The following NUDT5 variants were observed in gnomAD, a reference collection of about 807,000 sequenced individuals.
NUDT5 encodes nudix hydrolase 5.
NUDT5 carries 21 observed loss-of-function variants against 34.1 expected under a neutral mutation model. The observed-to-expected ratio is 0.62, with a 90% confidence interval of 0.44 to 0.89. The LOEUF is 0.89. Among genes scored for constraint, NUDT5 ranks in the 40% least tolerant of loss-of-function variants. The probability of loss-of-function intolerance (pLI) is 0.00; values close to 1 mark genes in which losing one functional copy is unlikely to be tolerated. For synonymous variants in NUDT5, 85 were observed against 97.6 expected (o/e 0.87, Z 0.76); for missense variants, 249 against 274.8 (o/e 0.91, Z 0.66).
intron 1 of NUDT5, among the ~76,000 whole-genome samples, chr10:12,189,727 C>T (rs1295974754): frequency 6.6e-6 from 1 of 152,230 alleles, no homozygotes; most frequent in Non-Finnish European, 1.5e-5. Context: ...GTCTCCGCCA[C>T]TGCAACGGAG....
rs1488409609 is a variant in NUDT5, at chr10:12,171,678, TA to T, written c.488-771del. On this transcript the variant is annotated intron_variant, in intron 7 of 9. Transcript: ENST00000491614. The surrounding 1 kb of genome is among the most constrained non-coding windows in gnomAD (Gnocchi z 4.2). ...ATATGTATATGTGCAGTTCAAAAAT[TA>T]AGATTTATTTTATTTATTTATTTAT... 6.7e-6 allele frequency among the ~76,000 whole-genome samples: 1 copy of T among 150,186 alleles called. No individual in the cohort carries two copies. The highest frequency in any genetic ancestry group is 1.9e-4 in the East Asian group (1 of 5,178).
At chr10:12,186,918 C>T (rs1442840841) in intron 1 of NUDT5, among the ~76,000 whole-genome samples, 3 of 151,754 alleles carry the variant, frequency 2.0e-5, no homozygotes, top group Non-Finnish European at 2.9e-5. Context: ...TGAGCTACCG[C>T]GCCCAGCCTG....
At chr10:12,172,946 C>A in intron 6 of NUDT5, 80 bp from the exon 7 acceptor site, 1 of 1,012,720 alleles carries the variant, frequency 9.9e-7, no homozygotes, top group Non-Finnish European at 1.5e-6. Flanking sequence ...AGATGCGTCC[C>A]GCAGCTCAGC....
At chr10:12,192,921 C>T (rs1835258063) in intron 1 of NUDT5, among the ~76,000 whole-genome samples, 1 of 148,336 alleles carries the variant, frequency 6.7e-6, no homozygotes, top group Admixed American at 6.8e-5. Flanking sequence ...AATTTGGGTA[C>T]CCACAATTGA....
chr10:12,195,007 AC>A (rs1835308079), intron 1 of NUDT5, among the ~76,000 whole-genome samples: 1 of 152,168 alleles, frequency 6.6e-6, no homozygotes, highest in Non-Finnish European at 1.5e-5. Flanking sequence ...TACTAAAAAC[AC>A]AAAAATTAGC....
chr10:12,167,563 C>A lies in NUDT5; in HGVS notation c.*139G>T, dbSNP rs1834733356. On this transcript the variant is annotated 3_prime_UTR_variant, in exon 10 of 10. Transcript: ENST00000491614. The stretch of plus-strand genomic sequence containing the variant: ...ACCTACCTGTAATTACAATTCCATA[C>A]CACCACCACATCTGTTCTGTGCTTT... 2.7e-6 allele frequency: 2 copies of A among 728,524 alleles called. No homozygotes were observed. Among genetic ancestry groups the A allele is most frequent in the Non-Finnish European group, 4.4e-6 (2 of 451,676 alleles). The allele number at this position is 728,524 out of a possible 1,614,324, so 45.1% of individuals were successfully genotyped here.
chr10:12,195,417 A>G (rs892409019), intron 1 of NUDT5, among the ~76,000 whole-genome samples: 1 of 152,050 alleles, frequency 6.6e-6, no homozygotes, highest in South Asian at 2.1e-4. Flanking sequence ...GCTTTCTCAC[A>G]TTTACCTCTC....
rs754398602 is a variant in NUDT5 at position 12,182,192 on chromosome 10, G to A, written c.131+2697C>T. 6.6e-6 allele frequency among the ~76,000 whole-genome samples: 1 copy of A among 152,114 alleles called. No individual in the cohort carries two copies. The highest frequency in any genetic ancestry group is 2.4e-5 in the African/African-American group (1 of 41,436). On this transcript the variant is annotated intron_variant, in intron 3 of 9. Transcript: ENST00000491614. The surrounding 1 kb of genome is among the most constrained non-coding windows in gnomAD (Gnocchi z 4.3). ...GAAGGGGAGGGTTCCTTTTCCCCTG[G>A]GGGGACACTGAATGTCTGTGTTGTA...
chr10:12,170,627 A>G lies in NUDT5; in HGVS notation c.550+90T>C, dbSNP rs1834834654. On this transcript the variant is annotated intron_variant, in intron 9 of 9. Transcript: ENST00000491614. This position sits in a 1 kb window ranked among gnomAD's most constrained non-coding sequence, Gnocchi z 4.9. ...TTGACTTTAGTGATACAAAAAAGAT[A>G]AAGAAATGGAGTTATATTTAGTACC... 8.3e-7 allele frequency: 1 copy of G among 1,202,612 alleles called. No homozygotes were observed. The highest frequency in any genetic ancestry group is 1.2e-6 in the Non-Finnish European group (1 of 812,308). The allele number at this position is 1,202,612 out of a possible 1,614,324, so 74.5% of individuals were successfully genotyped here.
chr10:12,181,336 G>C lies in NUDT5; in HGVS notation c.132-2204C>G, dbSNP rs12248206. 0.13 allele frequency among the ~76,000 whole-genome samples: 19,849 copies of C among 152,150 alleles called. 1,401 individuals carry two copies. The highest frequency in any genetic ancestry group is 0.22 in the Middle Eastern group (64 of 294). On this transcript the variant is annotated intron_variant, in intron 3 of 9. Transcript: ENST00000491614. This position sits in a 1 kb window ranked among gnomAD's most constrained non-coding sequence, Gnocchi z 5.0. ...TCAGCATCTGTGGATTTTGGTATCT[G>C]CAGGGGGTCCTGGAACCAACCCCGA...
At chr10:12,186,526 A>G (rs1247688942) in intron 1 of NUDT5, among the ~76,000 whole-genome samples, 194 bp from the exon 2 acceptor site, 1 of 152,122 alleles carries the variant, frequency 6.6e-6, no homozygotes, top group Non-Finnish European at 1.5e-5. Flanking sequence ...GAAGGAAGTG[A>G]CAGCAGTCCT....
chr10:12,184,572 C>A, intron 3 of NUDT5: 1 of 1,479,342 alleles, frequency 6.8e-7, no homozygotes. Flanking sequence ...TAGAAGGAAG[C>A]AACATGTACT....
At position 12,166,446 on chromosome 10, in the gene NUDT5, T is replaced by C. The variant is rs1394612046; in HGVS notation, c.*1256A>G. ...GGGCTAGACAGCTTCATCTGTAAAGTTCTGTATTTCCATAATTGTTTTATC... is the reference window on the plus strand; with the variant it reads ...GGGCTAGACAGCTTCATCTGTAAAGCTCTGTATTTCCATAATTGTTTTATC... On this transcript the variant is annotated 3_prime_UTR_variant, in exon 10 of 10. Transcript: ENST00000491614. 4.3e-6 allele frequency: 1 copy of C among 233,814 alleles called. No individual in the cohort carries two copies. The highest frequency in any genetic ancestry group is 8.8e-6 in the Non-Finnish European group (1 of 114,026). The allele number at this position is 233,814 out of a possible 1,614,324, so 14.5% of individuals were successfully genotyped here. A position where few individuals can be genotyped will look rare whatever the true frequency, so the allele number is the denominator to read the frequency against.
At position 12,175,627 on chromosome 10, in the gene NUDT5, G is replaced by T. The variant is rs568111411; in HGVS notation, c.290-1814C>A. Among the ~76,000 whole-genome samples, 3 of 151,998 alleles carry T rather than the reference G, an allele frequency of 2.0e-5. No individual in the cohort carries two copies. Among genetic ancestry groups the T allele is most frequent in the African/African-American group, 7.2e-5 (3 of 41,466 alleles). ...ACTGCACTCCAACATGGGCAACAGA[G>T]CTAGACATAGTCTCAAAAAAAGAGC... On this transcript the variant is annotated intron_variant, in intron 5 of 9. Coordinates refer to ENST00000491614, the MANE Select transcript of NUDT5 (RefSeq NM_014142.4). This position sits in a 1 kb window ranked among gnomAD's most constrained non-coding sequence, Gnocchi z 4.8.
chr10:12,170,813 A>G lies in NUDT5; in HGVS notation c.497-43T>C. 3 of 1,613,382 alleles carry G rather than the reference A, an allele frequency of 1.9e-6. No homozygotes were observed. Among genetic ancestry groups the G allele is most frequent in the Non-Finnish European group, 2.5e-6 (3 of 1,179,294 alleles). ...AAGTGAAAACAAAGCTAACGTCAAG[A>G]GCCTACCAAAACAACCCAAAATGTC... is the stretch of plus-strand genomic sequence containing the variant. On this transcript the variant is annotated intron_variant, in intron 8 of 9. Coordinates refer to ENST00000491614, the MANE Select transcript of NUDT5 (RefSeq NM_014142.4). The surrounding 1 kb of genome is among the most constrained non-coding windows in gnomAD (Gnocchi z 4.9).
chr10:12,186,152 G>T lies in NUDT5; in HGVS notation c.63+77C>A, dbSNP rs1383597579. On this transcript the variant is annotated intron_variant, in intron 2 of 9. Coordinates refer to ENST00000491614, the MANE Select transcript of NUDT5 (RefSeq NM_014142.4). The stretch of plus-strand genomic sequence containing the variant: ...TCTTCAAGAATGAAAGACCACCATT[G>T]TAACAACAGTCTATATATTTCTGCT... 6.3e-6 allele frequency: 7 copies of T among 1,113,580 alleles called. No individual in the cohort carries two copies. In the East Asian group the frequency reaches 1.2e-4, roughly 19 times the overall value. The allele number at this position is 1,113,580 out of a possible 1,614,324, so 69.0% of individuals were successfully genotyped here. A position where few individuals can be genotyped will look rare whatever the true frequency, so the allele number is the denominator to read the frequency against.
At chr10:12,194,932 G>C (rs1304814354) in intron 1 of NUDT5, among the ~76,000 whole-genome samples, 1 of 152,208 alleles carries the variant, frequency 6.6e-6, no homozygotes, top group Non-Finnish European at 1.5e-5. Context: ...GGAGGCTGAG[G>C]CGGGCAGATC....
Position 12,173,621 on chromosome 10 carries a change from C to G in NUDT5, c.385+97G>C, listed in dbSNP as rs932422591. On this transcript the variant is annotated intron_variant, in intron 6 of 9. Transcript: ENST00000491614. This position sits in a 1 kb window ranked among gnomAD's most constrained non-coding sequence, Gnocchi z 4.7. ...ACCAGTCCTAATCTGTGATTTCTTTCTCTTCAGTGAATTCTGAGCGTAAAG... is the reference window on the plus strand; with the variant it reads ...ACCAGTCCTAATCTGTGATTTCTTTGTCTTCAGTGAATTCTGAGCGTAAAG... 3.1e-6 allele frequency: 3 copies of G among 957,970 alleles called. No homozygotes were observed. The Admixed American group carries it at 5.2e-5, about 16-fold the overall frequency. 59.3% of individuals were successfully genotyped at this position (957,970 alleles called of 1,614,324 possible). A position where few individuals can be genotyped will look rare whatever the true frequency, so the allele number is the denominator to read the frequency against.
chr10:12,190,341 T>A lies in NUDT5; in HGVS notation c.-41-4009A>T, dbSNP rs574004898. ...CTCCAGAGCATAAAAAAAACACTAG[T>A]GAGGGGAAATGCTGTAAGATTTTTA... is the stretch of plus-strand genomic sequence containing the variant. On this transcript the variant is annotated intron_variant, in intron 1 of 9. Coordinates refer to ENST00000491614, the MANE Select transcript of NUDT5 (RefSeq NM_014142.4). 5.4e-4 allele frequency among the ~76,000 whole-genome samples: 82 copies of A among 152,140 alleles called. 1 individual carries two copies. In the South Asian group the frequency reaches 0.015, roughly 28 times the overall value.
Sources: allele counts gnomAD v4.1 joint callset (sites outside exome capture counted in the v4.1 genomes callset), GRCh38; gene constraint gnomAD v4.1.1; non-coding constraint Gnocchi (gnomAD v3.1); transcripts MANE v1.5; gene names NCBI Gene and HGNC (gene_info 2026-07-23, HGNC 2026-07-21).